The following DTNBP1 variants were observed in gnomAD, a reference collection of about 807,000 sequenced individuals.
DTNBP1 encodes dystrobrevin binding protein 1.
In DTNBP1, 35 loss-of-function variants were observed where a neutral mutation model predicts 42.8. The observed-to-expected ratio is 0.82, with a 90% CI of 0.63 to 1.09. DTNBP1 has a LOEUF of 1.09. DTNBP1 is among the 50% of genes least tolerant of loss of function. The probability of loss-of-function intolerance (pLI) is 0.00; values close to 1 mark genes in which losing one functional copy is unlikely to be tolerated. For missense variants in DTNBP1, 457 were observed against 424.2 expected (o/e 1.08, Z -0.68); for synonymous variants, 171 against 162.2 (o/e 1.05, Z -0.41).
At chr6:15,578,680 T>C (rs1775688138) in intron 7 of DTNBP1, among the ~76,000 whole-genome samples, 1 of 152,172 alleles carries the variant, frequency 6.6e-6, no homozygotes, top group African/African-American at 2.4e-5. Flanking sequence ...TAATAAAAAC[T>C]GGAAGAAATA....
At chr6:15,639,939 CT>C (rs1760244845) in intron 3 of DTNBP1, among the ~76,000 whole-genome samples, 1 of 152,140 alleles carries the variant, frequency 6.6e-6, no homozygotes, top group Non-Finnish European at 1.5e-5. Context: ...TCACCATTTC[CT>C]TTTCTCCCCG....
At chr6:15,584,959 A>G (rs2113594258) in intron 7 of DTNBP1, among the ~76,000 whole-genome samples, 1 of 147,696 alleles carries the variant, frequency 6.8e-6, no homozygotes, top group Non-Finnish European at 1.5e-5. Flanking sequence ...ATCCTTATAT[A>G]TGTATTTATA....
Position 15,662,866 on chromosome 6 carries a change from G to T in DTNBP1, c.4C>A (p.Leu2Met). The T allele has an allele frequency of 6.2e-7, 1 of 1,606,300 alleles. No individual in the cohort carries two copies. Reference protein sequence around the residue: MLETLRERLLSV... With the variant: MMETLRERLLSV... ...AGCAGCCGCTCGCGAAGGGTCTCCA[G>T]CATTGCCGCCGCCGCCGGTCTCCTC... The change falls in exon 1 of 10, where the codon CTG (leucine) becomes ATG (methionine). Residue 2 changes from leucine (L) to methionine (M), a missense_variant. Transcript: ENST00000344537.
At chr6:15,642,859 C>T (rs553251493) in intron 3 of DTNBP1, among the ~76,000 whole-genome samples, 19 of 152,300 alleles carry the variant, frequency 1.2e-4, no homozygotes, top group Non-Finnish European at 2.2e-4. Flanking sequence ...GAGACAGCTT[C>T]CTCAAATGAG....
chr6:15,624,281 C>T (rs1191473326), intron 5 of DTNBP1, among the ~76,000 whole-genome samples: 1 of 152,190 alleles, frequency 6.6e-6, no homozygotes, highest in East Asian at 1.9e-4. Flanking sequence ...GGGAGCCAAA[C>T]CCGATCTGTC....
chr6:15,542,740 G>A (rs553226155), intron 7 of DTNBP1, among the ~76,000 whole-genome samples: 1 of 152,202 alleles, frequency 6.6e-6, no homozygotes, highest in African/African-American at 2.4e-5. Context: ...TGCCCAGGCT[G>A]GAGTAAAATG....
At chr6:15,589,734 C>T (rs1561977865) in intron 7 of DTNBP1, among the ~76,000 whole-genome samples, 1 of 152,188 alleles carries the variant, frequency 6.6e-6, no homozygotes, top group Non-Finnish European at 1.5e-5. Flanking sequence ...AAAGAGACAT[C>T]CCTGGATACT....
intron 7 of DTNBP1, among the ~76,000 whole-genome samples, chr6:15,540,304 CT>C (rs1773483285): frequency 6.6e-6 from 1 of 152,176 alleles, no homozygotes; most frequent in Non-Finnish European, 1.5e-5. Flanking sequence ...TAAGTCAACC[CT>C]AAAATACATT....
intron 8 of DTNBP1, among the ~76,000 whole-genome samples, chr6:15,529,304 C>T (rs191393312): frequency 1.2e-4 from 18 of 152,084 alleles, no homozygotes; most frequent in East Asian, 3.9e-4. Context: ...AAGTCCATGC[C>T]GGCATTGTTT....
At chr6:15,550,791 G>A (rs1039534398) in intron 7 of DTNBP1, among the ~76,000 whole-genome samples, 3 of 152,180 alleles carry the variant, frequency 2.0e-5, no homozygotes, top group Non-Finnish European at 4.4e-5. Flanking sequence ...GGCAGATTCT[G>A]CCCCTCCCAG....
At chr6:15,608,180 T>C (rs1302839512) in intron 6 of DTNBP1, among the ~76,000 whole-genome samples, 1 of 152,068 alleles carries the variant, frequency 6.6e-6, no homozygotes, top group Non-Finnish European at 1.5e-5. Flanking sequence ...TAAATACTGT[T>C]TGTGACTGAG....
In DTNBP1 at chr6:15,524,492, C is replaced by G. The variant is rs777065152; in HGVS notation, c.811+34G>C. 1.0e-4 allele frequency: 168 copies of G among 1,610,700 alleles called. No homozygotes were observed. Among genetic ancestry groups the G allele is most frequent in the Non-Finnish European group, 1.3e-4 (157 of 1,177,572 alleles). On this transcript the variant is annotated intron_variant, in intron 9 of 9. Transcript: ENST00000344537. ...TGGAGGGGAGTGGCATCGATACTGC[C>G]CTGGTTCAGCTAATGCAAGTTTGTC...
intron 5 of DTNBP1, among the ~76,000 whole-genome samples, chr6:15,625,335 G>GA (rs1759280104): frequency 6.6e-6 from 1 of 152,014 alleles, no homozygotes; most frequent in South Asian, 2.1e-4. Flanking sequence ...TAGATGAGAG[G>GA]AAAAAAATGA....
At chr6:15,549,397 G>A (rs1469512678) in intron 7 of DTNBP1, among the ~76,000 whole-genome samples, 2 of 149,688 alleles carry the variant, frequency 1.3e-5, no homozygotes, top group Admixed American at 6.7e-5. Context: ...AGACAGGTGA[G>A]TCGCTTGAAC....
At chr6:15,585,104 TA>T (rs1776019472) in intron 7 of DTNBP1, among the ~76,000 whole-genome samples, 3 of 87,818 alleles carry the variant, frequency 3.4e-5, no homozygotes, top group African/African-American at 8.4e-5. Flanking sequence ...TATATATATA[TA>T]TATATATTCA....
chr6:15,630,498 G>A (rs1358181364), intron 4 of DTNBP1, among the ~76,000 whole-genome samples: 2 of 152,084 alleles, frequency 1.3e-5, no homozygotes, highest in Non-Finnish European at 2.9e-5. Flanking sequence ...TAACAGGAGA[G>A]GCAAAACACT....
intron 1 of DTNBP1, chr6:15,660,589 C>T: frequency 7.8e-7 from 1 of 1,277,928 alleles, no homozygotes; most frequent in East Asian, 5.6e-5. Context: ...CAAAATGGCC[C>T]CAGACTACGG....
At chr6:15,582,223 A>G (rs1775871402) in intron 7 of DTNBP1, among the ~76,000 whole-genome samples, 2 of 152,178 alleles carry the variant, frequency 1.3e-5, no homozygotes, top group African/African-American at 4.8e-5. Flanking sequence ...TCTAAATTCT[A>G]TTGTTTACAT....
At position 15,523,276 on chromosome 6, in the gene DTNBP1, T is replaced by C. The variant is rs886575471; in HGVS notation, c.812-57A>G. 2.9e-5 allele frequency: 47 copies of C among 1,607,088 alleles called. No homozygotes were observed. In the African/African-American group the frequency reaches 4.5e-4, roughly 16 times the overall value. On this transcript the variant is annotated intron_variant, in intron 9 of 9. Coordinates refer to ENST00000344537, the MANE Select transcript of DTNBP1 (RefSeq NM_032122.5). ...GTCATAAAAATATTGTGAATCAGAA[T>C]TGCCGCCAACAGCTGTGGAATGTGC...
Sources: allele counts gnomAD v4.1 joint callset (sites outside exome capture counted in the v4.1 genomes callset), GRCh38; gene constraint gnomAD v4.1.1; transcripts MANE v1.5; gene names NCBI Gene and HGNC (gene_info 2026-07-23, HGNC 2026-07-21).